Variants in EPHB1 observed in about 807,000 individuals in gnomAD.
EPHB1 encodes ephrin type-B receptor 1.
EPHB1 carries 30 observed loss-of-function variants against 94.4 expected under a neutral mutation model. The observed-to-expected ratio is 0.32, with a 90% CI of 0.24 to 0.43. The LOEUF (loss-of-function observed/expected upper bound fraction) is 0.43, where lower values mean the gene tolerates loss of function less well. Ranked by LOEUF, EPHB1 falls within the 20% of genes least tolerant of loss-of-function variation. The pLI, the probability that EPHB1 is intolerant of heterozygous loss-of-function variation, is 1.00. For synonymous variants in EPHB1, 522 were observed against 489.1 expected, an observed-to-expected ratio of 1.07 and a Z score of -0.89; for missense variants, 1,055 against 1,308.3, an observed-to-expected ratio of 0.81 and a Z score of 2.99.
chr3:135,161,969 T>C (rs143469628), intron 6 of EPHB1, 49 bp from the exon 7 acceptor site: 4 of 1,558,868 alleles, frequency 2.6e-6, no homozygotes, highest in Non-Finnish European at 3.5e-6. Flanking sequence ...GGGCTGGGGG[T>C]GTAGCCTTCA....
intron 3 of EPHB1, among the ~76,000 whole-genome samples, chr3:134,994,809 G>T (rs535376880): frequency 1.3e-5 from 2 of 152,158 alleles, no homozygotes; most frequent in East Asian, 3.9e-4. Flanking sequence ...ACTTTTTATT[G>T]AGATAATTAT....
rs531232534 is a variant in EPHB1, at chr3:134,937,818, G to A, written c.123+11938G>A. ...CAGTGAGAGCCACATTCAATCGACA[G>A]CTTAAGATAATCACATGTGTGAGGC... On this transcript the variant is annotated intron_variant, in intron 2 of 15. Coordinates refer to ENST00000398015, the MANE Select transcript of EPHB1 (RefSeq NM_004441.5). Among the ~76,000 whole-genome samples the A allele has an allele frequency of 1.1e-4, 16 of 152,130 alleles. No homozygotes were observed. The South Asian group carries it at 3.1e-3, about 30-fold the overall frequency.
chr3:135,073,292 G>T (rs1197315662), intron 3 of EPHB1, among the ~76,000 whole-genome samples: 1 of 152,106 alleles, frequency 6.6e-6, no homozygotes, highest in Non-Finnish European at 1.5e-5. Flanking sequence ...ATCAAAACCT[G>T]CTGTTGCATC....
chr3:135,200,630 G>A (rs1240930190), intron 11 of EPHB1, among the ~76,000 whole-genome samples: 2 of 152,096 alleles, frequency 1.3e-5, no homozygotes, highest in Non-Finnish European at 2.9e-5. Flanking sequence ...TAATACTATG[G>A]TGACCAAAAA....
Position 134,831,143 on chromosome 3 carries a change from C to A in EPHB1, c.58+35454C>A, listed in dbSNP as rs142910025. On this transcript the variant is annotated intron_variant, in intron 1 of 15. Coordinates refer to ENST00000398015, the MANE Select transcript of EPHB1 (RefSeq NM_004441.5). ...GGTGAGAAGATGAATCATAAGGGGG[C>A]CATTCATTAGTATAACTGAGACCCA... 5.6e-4 allele frequency among the ~76,000 whole-genome samples: 85 copies of A among 152,246 alleles called. 2 individuals carry two copies. In the East Asian group the frequency reaches 0.012, roughly 21 times the overall value.
intron 2 of EPHB1, among the ~76,000 whole-genome samples, chr3:134,928,699 C>T (rs1164466339): frequency 1.3e-5 from 2 of 152,196 alleles, no homozygotes; most frequent in East Asian, 1.9e-4. Flanking sequence ...AGAAGGCGGC[C>T]GCATGTCAGT....
At chr3:135,136,611 C>G (rs1295704127) in intron 5 of EPHB1, among the ~76,000 whole-genome samples, 2 of 152,330 alleles carry the variant, frequency 1.3e-5, no homozygotes, top group South Asian at 4.1e-4. Flanking sequence ...TTGCACCTCC[C>G]TAGGCTGCAG....
rs570004019 is a variant in EPHB1, at chr3:134,835,028, G to T, written c.58+39339G>T. Among the ~76,000 whole-genome samples the T allele has an allele frequency of 2.6e-5, 4 of 152,268 alleles. No individual in the cohort carries two copies. In the South Asian group the frequency reaches 8.3e-4, roughly 32 times the overall value. On this transcript the variant is annotated intron_variant, in intron 1 of 15. Transcript: ENST00000398015. ...AGTGAACAGGGGGTAATTTAGAGGC[G>T]CACTCTCATGGTTGGCTGGACCTGT...
Position 134,955,071 on chromosome 3 carries a change from C to CTTTTTTTTTTTTTTT in EPHB1, c.805+3037_805+3051dup, listed in dbSNP as rs1197013147. Among the ~76,000 whole-genome samples, 6 of 8,418 alleles carry CTTTTTTTTTTTTTTT rather than the reference C, an allele frequency of 7.1e-4. 1 individual carries two copies. Among genetic ancestry groups the CTTTTTTTTTTTTTTT allele is most frequent in the African/African-American group, 8.6e-4 (2 of 2,328 alleles). 5.5% of individuals were successfully genotyped at this position (8,418 alleles called of 152,430 possible). On this transcript the variant is annotated intron_variant, in intron 3 of 15. Coordinates refer to ENST00000398015, the MANE Select transcript of EPHB1 (RefSeq NM_004441.5). ...CTAAGGCCTGTTCCTGACATCCTTT[C>CTTTTTTTTTTTTTTT]TTTTTTTTTTTTTTTTTTTTTTTTT...
At chr3:135,030,220 A>G (rs2107759586) in intron 3 of EPHB1, among the ~76,000 whole-genome samples, 1 of 152,258 alleles carries the variant, frequency 6.6e-6, no homozygotes, top group Admixed American at 6.5e-5. Flanking sequence ...TTCTTCTCTC[A>G]GCTCGTCAAA....
Position 135,101,170 on chromosome 3 carries a change from G to A in EPHB1, c.806-5278G>A, listed in dbSNP as rs75583406. Among the ~76,000 whole-genome samples, 1,402 of 152,224 alleles carry A rather than the reference G, an allele frequency of 9.2e-3. 28 individuals carry two copies. Among genetic ancestry groups the A allele is most frequent in the African/African-American group, 0.03 (1,246 of 41,528 alleles). On this transcript the variant is annotated intron_variant, in intron 3 of 15. Transcript: ENST00000398015. Reference sequence around the variant, plus strand: ...GCGAATACACAGCAAGGTGTCGGCGGCTCTTCTCTTTCTACCCACCTCCTG... The same window carrying A: ...GCGAATACACAGCAAGGTGTCGGCGACTCTTCTCTTTCTACCCACCTCCTG...
intron 12 of EPHB1, among the ~76,000 whole-genome samples, chr3:135,229,005 G>A (rs1022718957): frequency 2.0e-5 from 3 of 152,172 alleles, no homozygotes; most frequent in African/African-American, 7.2e-5. Flanking sequence ...CTCCTGTCCA[G>A]TTCCCAGTGC....
chr3:134,882,765 C>CTTTCTTTCTTTCTTTCTTA (rs1553861895), intron 1 of EPHB1, among the ~76,000 whole-genome samples: 15 of 79,928 alleles, frequency 1.9e-4, no homozygotes, highest in Non-Finnish European at 3.7e-4. Flanking sequence ...TTCCTTCCTT[C>CTTTCTTTCTTTCTTTCTTA]CTTTCTTTCT....
In EPHB1 at chr3:135,165,871, T is replaced by C; in HGVS notation, c.1586-97T>C. ...ACACATAGAAACTATCCTCTACATA[T>C]ATGTATATTTAGATCATGTTTTTGG... On this transcript the variant is annotated intron_variant, in intron 7 of 15. Coordinates refer to ENST00000398015, the MANE Select transcript of EPHB1 (RefSeq NM_004441.5). 7.3e-6 allele frequency: 6 copies of C among 820,042 alleles called. No individual in the cohort carries two copies. The South Asian group carries it at 7.9e-5, about 11-fold the overall frequency. 50.8% of individuals were successfully genotyped at this position (820,042 alleles called of 1,614,324 possible). A position where few individuals can be genotyped will look rare whatever the true frequency, so the allele number is the denominator to read the frequency against.
intron 1 of EPHB1, among the ~76,000 whole-genome samples, chr3:134,887,801 A>G (rs535102263): frequency 5.3e-5 from 8 of 152,342 alleles, no homozygotes; most frequent in South Asian, 4.1e-4. Context: ...AACTACATCA[A>G]TATTAGAGTA....
chr3:135,104,926 A>G (rs1320614626), intron 3 of EPHB1, among the ~76,000 whole-genome samples: 1 of 152,230 alleles, frequency 6.6e-6, no homozygotes, highest in Non-Finnish European at 1.5e-5. Context: ...CTTAGCAGAA[A>G]AGCAGTGGAT....
intron 10 of EPHB1, among the ~76,000 whole-genome samples, chr3:135,191,902 G>A (rs1200190139): frequency 6.6e-6 from 1 of 152,220 alleles, no homozygotes; most frequent in Non-Finnish European, 1.5e-5. Context: ...AGCATGGCAG[G>A]GATGTGAGGG....
At chr3:135,200,659 C>T (rs1162188254) in intron 11 of EPHB1, among the ~76,000 whole-genome samples, 1 of 152,026 alleles carries the variant, frequency 6.6e-6, no homozygotes, top group Non-Finnish European at 1.5e-5. Flanking sequence ...TTCTTGTCCT[C>T]CAAGAGTATA....
intron 1 of EPHB1, among the ~76,000 whole-genome samples, chr3:134,865,687 C>T (rs578238508): frequency 3.3e-5 from 5 of 151,232 alleles, no homozygotes; most frequent in Admixed American, 6.6e-5. Flanking sequence ...GAAAGGGGCA[C>T]TCTCAGTGAC....
Sources: allele counts gnomAD v4.1 joint callset (sites outside exome capture counted in the v4.1 genomes callset), GRCh38; gene constraint gnomAD v4.1.1; transcripts MANE v1.5; gene names NCBI Gene and HGNC (gene_info 2026-07-23, HGNC 2026-07-21).